Variants in WDR72 observed in about 807,000 individuals in gnomAD.
WDR72 encodes the protein WD repeat-containing protein 72.
A neutral mutation model predicts 124.2 loss-of-function variants in WDR72; 120 were observed. That is an observed-to-expected ratio of 0.97 (90% CI 0.83 to 1.12). The LOEUF is 1.12. Among genes scored for constraint, WDR72 ranks in the 50% most tolerant of loss-of-function variants. The probability of loss-of-function intolerance (pLI) is 0.00; values close to 1 mark genes in which losing one functional copy is unlikely to be tolerated. For missense variants in WDR72, 1,387 were observed against 1,278.8 expected (o/e 1.08, Z -1.29); for synonymous variants, 452 against 441.7 (o/e 1.02, Z -0.29).
chr15:53,755,122 A>G (rs1055287966), intron 1 of WDR72, among the ~76,000 whole-genome samples: 3 of 152,234 alleles, frequency 2.0e-5, no homozygotes, highest in Non-Finnish European at 4.4e-5. Flanking sequence ...CTCCTTCCCC[A>G]GGCGACAGCT....
At chr15:53,518,031 G>A (rs1351001777) in intron 19 of WDR72, among the ~76,000 whole-genome samples, 2 of 151,074 alleles carry the variant, frequency 1.3e-5, no homozygotes, top group Non-Finnish European at 2.9e-5. Flanking sequence ...TTAATAGCTT[G>A]GGGATTTTTT....
chr15:53,678,724 G>A (rs138229433), intron 13 of WDR72, among the ~76,000 whole-genome samples: 27 of 152,230 alleles, frequency 1.8e-4, no homozygotes, highest in East Asian at 7.7e-4. Flanking sequence ...GCGTGGCTGC[G>A]TATCCTATGC....
chr15:53,751,721 G>C (rs992078772), intron 1 of WDR72, among the ~76,000 whole-genome samples: 1 of 152,038 alleles, frequency 6.6e-6, no homozygotes, highest in Non-Finnish European at 1.5e-5. Flanking sequence ...TCCAGGAAAG[G>C]GGATCAATTA....
intron 3 of WDR72, 33 bp from the exon 4 acceptor site, chr15:53,716,718 C>A: frequency 6.7e-7 from 1 of 1,486,392 alleles, no homozygotes; most frequent in Non-Finnish European, 9.4e-7. Context: ...TATTCTCTGT[C>A]ATTTCCACTC....
chr15:53,651,979 C>T (rs1472538291), intron 14 of WDR72: 1 of 152,154 alleles, frequency 6.6e-6, no homozygotes, highest in Non-Finnish European at 1.5e-5. Flanking sequence ...ATTGTTTAAT[C>T]ACTTCTCGGC....
intron 2 of WDR72, among the ~76,000 whole-genome samples, chr15:53,728,552 G>A (rs1359852517): frequency 2.6e-5 from 4 of 152,278 alleles, no homozygotes; most frequent in Non-Finnish European, 5.9e-5. Flanking sequence ...ATCAGGGCTG[G>A]CACTTGACTA....
chr15:53,668,019 T>A lies in WDR72; in HGVS notation c.1766-2251A>T, dbSNP rs114953415. On this transcript the variant is annotated intron_variant, in intron 13 of 19. Coordinates refer to ENST00000360509, the MANE Select transcript of WDR72 (RefSeq NM_182758.4). ...CACCATGCCAGATGATGACAATGTA[T>A]AGTATTTAAGAATGACTCAGTCCAG... Among the ~76,000 whole-genome samples, 671 of 152,292 alleles carry A rather than the reference T, an allele frequency of 4.4e-3. 5 individuals carry two copies. The highest frequency in any genetic ancestry group is 0.016 in the African/African-American group (650 of 41,558).
rs773919756 is a variant in WDR72, at chr15:53,665,620, C to G, written c.1914G>C (p.Gln638His). Residue 638 changes from glutamine (Q) to histidine (H), a missense_variant, in exon 14 of 20, where the codon CAG (glutamine) becomes CAC (histidine). Transcript: ENST00000360509. ...SIEQRSSSPY[Q>H]LGPLPCPGLQ... is the part of the protein sequence containing the mutation. ...GACCAGGGCAAGGTAATGGCCCAAG[C>G]TGGTAGGGGCTGGAGGATCTCTGTT... The G allele has an allele frequency of 1.9e-6, 3 of 1,613,904 alleles. No homozygotes were observed. The South Asian group carries it at 3.3e-5, about 18-fold the overall frequency.
chr15:53,568,089 T>C (rs1245763761), intron 18 of WDR72, among the ~76,000 whole-genome samples: 1 of 150,212 alleles, frequency 6.7e-6, no homozygotes, highest in Non-Finnish European at 1.5e-5. Context: ...TTTTTTTATT[T>C]TTTTAAGTAA....
At chr15:53,671,710 C>G (rs146032336) in intron 13 of WDR72, among the ~76,000 whole-genome samples, 87 of 152,284 alleles carry the variant, frequency 5.7e-4, no homozygotes, top group African/African-American at 2.0e-3. Context: ...TGAGGCCTGT[C>G]CCAGCTTTCA....
At chr15:53,656,168 A>G (rs190359737) in intron 14 of WDR72, among the ~76,000 whole-genome samples, 2 of 152,362 alleles carry the variant, frequency 1.3e-5, no homozygotes, top group African/African-American at 4.8e-5. Context: ...GACAGGAATA[A>G]TCACACTTGA....
chr15:53,650,440 A>C (rs1033244780), intron 14 of WDR72, among the ~76,000 whole-genome samples: 4 of 152,148 alleles, frequency 2.6e-5, no homozygotes, highest in Non-Finnish European at 5.9e-5. Flanking sequence ...TACCAAAATA[A>C]AATAAGAAGT....
At chr15:53,649,864 C>A (rs1159568866) in intron 14 of WDR72, among the ~76,000 whole-genome samples, 9 of 152,074 alleles carry the variant, frequency 5.9e-5, no homozygotes, top group African/African-American at 2.2e-4. Context: ...AATGGTGTAG[C>A]TGCTATGAAA....
intron 18 of WDR72, among the ~76,000 whole-genome samples, chr15:53,551,864 A>G (rs1024029892): frequency 1.3e-5 from 2 of 152,066 alleles, no homozygotes; most frequent in African/African-American, 4.8e-5. Context: ...AGACACACAC[A>G]CACACACACA....
chr15:53,661,817 G>A (rs929739448), intron 14 of WDR72, among the ~76,000 whole-genome samples: 1 of 152,008 alleles, frequency 6.6e-6, no homozygotes, highest in African/African-American at 2.4e-5. Flanking sequence ...ATGTTTAATG[G>A]CTACCATTTT....
chr15:53,661,634 C>T (rs1253512067), intron 14 of WDR72, among the ~76,000 whole-genome samples: 1 of 151,838 alleles, frequency 6.6e-6, no homozygotes, highest in African/African-American at 2.4e-5. Context: ...TTGTCTAATA[C>T]AAATAGAATG....
At chr15:53,675,492 A>C (rs2016139140) in intron 13 of WDR72, among the ~76,000 whole-genome samples, 1 of 152,220 alleles carries the variant, frequency 6.6e-6, no homozygotes, top group Non-Finnish European at 1.5e-5. Context: ...TTAATTGTAC[A>C]ATTATCTATT....
At position 53,635,031 on chromosome 15, in the gene WDR72, C is replaced by T. The variant is rs909963242; in HGVS notation, c.1963-18788G>A. Among the ~76,000 whole-genome samples the T allele has an allele frequency of 2.0e-5, 3 of 152,218 alleles. No individual in the cohort carries two copies. The South Asian group carries it at 6.2e-4, about 32-fold the overall frequency. On this transcript the variant is annotated intron_variant, in intron 14 of 19. Coordinates refer to ENST00000360509, the MANE Select transcript of WDR72 (RefSeq NM_182758.4). ...CTCTGCTTTTGCAGGTATAGAAGCT[C>T]TGCTTTTTCCTTCCTCAACTGTGTC...
In WDR72 at chr15:53,702,357, G is replaced by A. The variant is rs2017209619; in HGVS notation, c.1349-3C>T. On this transcript the variant is annotated splice_polypyrimidine_tract_variant and splice_region_variant and intron_variant, in intron 11 of 19. Coordinates refer to ENST00000360509, the MANE Select transcript of WDR72 (RefSeq NM_182758.4). Reference sequence around the variant, plus strand: ...AAGAACTTTATGAGGGGGAGAATCTGAAAAACAATGAAACACCAAATAATA... The same window carrying A: ...AAGAACTTTATGAGGGGGAGAATCTAAAAAACAATGAAACACCAAATAATA... The A allele has an allele frequency of 1.3e-6, 2 of 1,599,522 alleles. No homozygotes were observed. The highest frequency in any genetic ancestry group is 1.7e-6 in the Non-Finnish European group (2 of 1,167,154).
Sources: gnomAD v4.1 joint callset for allele counts (sites outside exome capture counted in the v4.1 genomes callset) on GRCh38, gnomAD v4.1.1 for gene constraint, MANE v1.5 for transcripts, NCBI Gene and HGNC (gene_info 2026-07-23, HGNC 2026-07-21) for gene names.